The following TTC6 variants were observed in gnomAD, a reference collection of about 807,000 sequenced individuals.
TTC6 encodes tetratricopeptide repeat domain 6, also known as tetratricopeptide repeat protein 6.
In TTC6, 172 loss-of-function variants were observed where a neutral mutation model predicts 210.4. The observed-to-expected ratio is 0.82, with a 90% CI of 0.72 to 0.93. The LOEUF (loss-of-function observed/expected upper bound fraction) is 0.93, where lower values mean the gene tolerates loss of function less well. Among genes scored for constraint, TTC6 ranks in the 40% least tolerant of loss-of-function variants. The pLI is 0.00. For synonymous variants in TTC6, 804 were observed against 819.6 expected (o/e 0.98, Z 0.32); for missense variants, 2,414 against 2,318.1 (o/e 1.04, Z -0.85).
chr14:37,783,755 C>G (rs1181728858), intron 14 of TTC6, among the ~76,000 whole-genome samples: 1 of 147,860 alleles, frequency 6.8e-6, no homozygotes, highest in South Asian at 2.1e-4. Context: ...CCTGCTTTCT[C>G]TTATGGGCAT....
intron 15 of TTC6, among the ~76,000 whole-genome samples, chr14:37,788,321 A>G (rs1230133377): frequency 6.6e-6 from 1 of 152,066 alleles, no homozygotes; most frequent in Non-Finnish European, 1.5e-5. Flanking sequence ...GCCTGAGTCT[A>G]ACACTCCAGA....
At chr14:37,737,723 A>G in exon 9 of TTC6, 1 of 1,513,878 alleles carries the variant, frequency 6.6e-7, no homozygotes, top group Non-Finnish European at 8.8e-7. Flanking sequence ...TGCACAACCT[A>G]CACAACTAAG....
chr14:37,792,334 A>G (rs1184371445), exon 17 of TTC6: 3 of 1,532,980 alleles, frequency 2.0e-6, no homozygotes, highest in East Asian at 2.5e-5. Context: ...CACGGAAGCT[A>G]TTTGGCAATT....
chr14:37,608,286 T>TTGTG (rs142169592), intron 2 of TTC6, among the ~76,000 whole-genome samples: 24 of 151,204 alleles, frequency 1.6e-4, no homozygotes, highest in African/African-American at 4.1e-4. Context: ...CAAGTTTTTT[T>TTGTG]TGTGTGTGTG....
intron 17 of TTC6, among the ~76,000 whole-genome samples, chr14:37,793,574 TGTTA>T (rs1196578956): frequency 6.6e-6 from 1 of 152,194 alleles, no homozygotes; most frequent in Non-Finnish European, 1.5e-5. Flanking sequence ...CACTAGGTCA[TGTTA>T]GTTCTTGACT....
chr14:37,623,724 C>T (rs2095655508), intron 1 of TTC6, among the ~76,000 whole-genome samples: 1 of 152,158 alleles, frequency 6.6e-6, no homozygotes, highest in Non-Finnish European at 1.5e-5. Context: ...GGGATTCCAC[C>T]CCAGGCAGTC....
At position 37,622,415 on chromosome 14, in the gene TTC6, C is replaced by T. The variant is rs2095652840; in HGVS notation, c.351C>T (p.Pro117=). 2.6e-6 allele frequency: 4 copies of T among 1,534,636 alleles called. No individual in the cohort carries two copies. In the Admixed American group the frequency reaches 7.9e-5, roughly 30 times the overall value. Reference sequence around the variant, plus strand: ...CAGGCAAGACCCGGTCGTTTCGCCCCCGGGACTTTTACTTGCGGAGCTCCG... The same window carrying T: ...CAGGCAAGACCCGGTCGTTTCGCCCTCGGGACTTTTACTTGCGGAGCTCCG... Residue 117 remains proline, a synonymous_variant, in exon 1 of 31, where the codon CCC becomes CCT. Transcript: ENST00000553443.
At chr14:37,697,573 C>T (rs954732487) in intron 4 of TTC6, among the ~76,000 whole-genome samples, 22 of 152,074 alleles carry the variant, frequency 1.4e-4, no homozygotes, top group Non-Finnish European at 2.1e-4. Context: ...ACATGGAAGA[C>T]AGCCTTTTTA....
intron 2 of TTC6, among the ~76,000 whole-genome samples, chr14:37,611,090 G>C (rs887055274): frequency 1.3e-5 from 2 of 152,230 alleles, no homozygotes; most frequent in East Asian, 1.9e-4. Flanking sequence ...TGGGGTCCAA[G>C]TCCGAGGCTG....
intron 14 of TTC6, among the ~76,000 whole-genome samples, chr14:37,763,450 A>G (rs570410450): frequency 6.6e-6 from 1 of 152,066 alleles, no homozygotes; most frequent in Non-Finnish European, 1.5e-5. Context: ...TGGCTTTTCT[A>G]TGTTTTTTGA....
At chr14:37,768,551 C>A (rs1595227421) in intron 14 of TTC6, among the ~76,000 whole-genome samples, 1 of 152,182 alleles carries the variant, frequency 6.6e-6, no homozygotes, top group East Asian at 1.9e-4. Context: ...GTATTTTATT[C>A]TCCTTGAAGC....
chr14:37,689,847 A>G (rs1280034646), intron 3 of TTC6, among the ~76,000 whole-genome samples: 1 of 152,128 alleles, frequency 6.6e-6, no homozygotes, highest in African/African-American at 2.4e-5. Flanking sequence ...AGAGAAAAGC[A>G]TGATAATGAG....
chr14:37,635,393 A>T (rs1311888178), intron 1 of TTC6, among the ~76,000 whole-genome samples: 1 of 152,248 alleles, frequency 6.6e-6, no homozygotes, highest in Non-Finnish European at 1.5e-5. Context: ...ATAGGAAGGC[A>T]GGTACAAACA....
chr14:37,670,476 T>C lies in TTC6; in HGVS notation c.940-9675T>C, dbSNP rs1357156885. On this transcript the variant is annotated intron_variant, in intron 1 of 30. Coordinates refer to ENST00000553443, the Ensembl canonical transcript of TTC6. ...AGGATCTAGCACAAACTACCTCACTTTTTTTTTTTTTTTTTTTTTAGTCTC... is the reference window on the plus strand; with the variant it reads ...AGGATCTAGCACAAACTACCTCACTCTTTTTTTTTTTTTTTTTTTAGTCTC... 7.1e-5 allele frequency among the ~76,000 whole-genome samples: 10 copies of C among 141,536 alleles called. 1 individual carries two copies. The South Asian group carries it at 1.6e-3, about 23-fold the overall frequency. The allele number at this position is 141,536 out of a possible 152,430, so 92.9% of individuals were successfully genotyped here. A position where few individuals can be genotyped will look rare whatever the true frequency, so the allele number is the denominator to read the frequency against.
chr14:37,664,570 A>G (rs2095744043), intron 1 of TTC6, among the ~76,000 whole-genome samples: 1 of 150,550 alleles, frequency 6.6e-6, no homozygotes, highest in Non-Finnish European at 1.5e-5. Flanking sequence ...TCTAGGCAGT[A>G]TCATCAGGAT....
At chr14:37,721,580 CAAT>C (rs2095861824) in intron 6 of TTC6, among the ~76,000 whole-genome samples, 1 of 151,806 alleles carries the variant, frequency 6.6e-6, no homozygotes, top group Non-Finnish European at 1.5e-5. Context: ...ACCCAACTCT[CAAT>C]AAACATGGTT....
At chr14:37,676,258 A>T (rs544085999) in intron 1 of TTC6, among the ~76,000 whole-genome samples, 78 of 152,088 alleles carry the variant, frequency 5.1e-4, no homozygotes, top group Non-Finnish European at 9.7e-4. Context: ...AACTGGTAGG[A>T]AGAGGAAGGG....
At chr14:37,623,040 A>G in intron 1 of TTC6, 37 bp downstream of exon 3, 1 of 1,406,228 alleles carries the variant, frequency 7.1e-7, no homozygotes, top group South Asian at 1.5e-5. Flanking sequence ...TTTTTCCCAA[A>G]TGCAATTTGG....
At chr14:37,841,148 C>T (rs576926738) in intron 29 of TTC6, among the ~76,000 whole-genome samples, 49 of 152,312 alleles carry the variant, frequency 3.2e-4, no homozygotes, top group Admixed American at 7.2e-4. Context: ...GGATTACAGA[C>T]GTGAGCCACT....
Sources: gnomAD v4.1 joint callset for allele counts (sites outside exome capture counted in the v4.1 genomes callset) on GRCh38, gnomAD v4.1.1 for gene constraint, MANE v1.5 for transcripts, NCBI Gene and HGNC (gene_info 2026-07-23, HGNC 2026-07-21) for gene names.